Variants in MGST2 observed in about 807,000 individuals in gnomAD.
MGST2 encodes microsomal glutathione S-transferase 2.
Under a neutral mutation model 16.6 loss-of-function variants are expected in MGST2, and 9 were observed. That is an observed-to-expected ratio of 0.54 (90% CI 0.33 to 0.95). MGST2 has a LOEUF of 0.95. Among genes scored for constraint, MGST2 ranks in the 40% least tolerant of loss-of-function variants. The probability of loss-of-function intolerance (pLI) is 0.03; values close to 1 mark genes in which losing one functional copy is unlikely to be tolerated. For missense variants in MGST2, 159 were observed against 175.1 expected, an observed-to-expected ratio of 0.91 and a Z score of 0.52; for synonymous variants, 79 against 68.0, an observed-to-expected ratio of 1.16 and a Z score of -0.79.
At chr4:139,670,207 T>C (rs1340507222) in intron 1 of MGST2, among the ~76,000 whole-genome samples, 1 of 145,220 alleles carries the variant, frequency 6.9e-6, no homozygotes, top group Non-Finnish European at 1.5e-5. Context: ...GCAGCTTCTT[T>C]AGTTCAGTCA....
intron 1 of MGST2, among the ~76,000 whole-genome samples, chr4:139,666,296 T>C (rs1448283271): frequency 6.6e-6 from 1 of 152,066 alleles, no homozygotes; most frequent in Non-Finnish European, 1.5e-5. Context: ...ACTGAGAACA[T>C]TCCAGAGATT....
intron 1 of MGST2, among the ~76,000 whole-genome samples, chr4:139,672,919 A>G (rs1730773432): frequency 1.3e-5 from 2 of 152,162 alleles, no homozygotes; most frequent in South Asian, 4.2e-4. Flanking sequence ...TATTTGTAGC[A>G]GAAGGGGATT....
intron 2 of MGST2, among the ~76,000 whole-genome samples, chr4:139,692,454 G>C (rs1175659179): frequency 1.3e-5 from 2 of 152,236 alleles, no homozygotes; most frequent in Non-Finnish European, 2.9e-5. Context: ...CCAGTCCTCT[G>C]TGAGTACAAT....
At chr4:139,688,503 C>T (rs1400788594) in intron 2 of MGST2, among the ~76,000 whole-genome samples, 2 of 151,542 alleles carry the variant, frequency 1.3e-5, no homozygotes, top group East Asian at 3.9e-4. Context: ...TCTCATTCTA[C>T]TGTGATTCTG....
chr4:139,740,358 C>A (rs1055959809), exon 6 of MGST2: 1 of 152,388 alleles, frequency 6.6e-6, no homozygotes, highest in Middle Eastern at 3.4e-3. Context: ...ACCTGCACCA[C>A]TGAGACGAGC....
At chr4:139,695,581 C>G (rs777905967) in intron 3 of MGST2, among the ~76,000 whole-genome samples, 2 of 152,036 alleles carry the variant, frequency 1.3e-5, no homozygotes, top group Non-Finnish European at 2.9e-5. Flanking sequence ...GAGATCGTGC[C>G]ACTACACTCC....
downstream of MGST2, among the ~76,000 whole-genome samples, chr4:139,742,710 G>T (rs1323816794): frequency 6.6e-6 from 1 of 152,156 alleles, no homozygotes; most frequent in Non-Finnish European, 1.5e-5. Flanking sequence ...AGTTAAGTTG[G>T]TAGCTAAATA....
chr4:139,704,241 GT>G, exon 5 of MGST2: 3 of 1,483,288 alleles, frequency 2.0e-6, 1 homozygote, highest in South Asian at 3.5e-5. Context: ...TCTTTATTCT[GT>G]TTTTCTTGAA....
chr4:139,667,366 G>A (rs572444929), intron 1 of MGST2, among the ~76,000 whole-genome samples: 22 of 152,080 alleles, frequency 1.4e-4, no homozygotes, highest in Admixed American at 1.3e-3. Context: ...ACCTGCATGC[G>A]CCTTTATCCT....
chr4:139,745,300 A>ACAG (rs3051190), downstream of MGST2, among the ~76,000 whole-genome samples: 116,741 of 151,796 alleles, frequency 0.77, 45,805 homozygotes, highest in East Asian at 0.93. Flanking sequence ...ATCAGGAGCC[A>ACAG]CAGCAGGTTC....
intron 5 of MGST2, chr4:139,725,696 C>G: frequency 6.5e-7 from 1 of 1,535,468 alleles, no homozygotes; most frequent in South Asian, 1.1e-5. Context: ...GCTACACATT[C>G]ACTTACGCTT....
downstream of MGST2, among the ~76,000 whole-genome samples, chr4:139,709,072 T>A (rs10857323): frequency 0.41 from 4,519 of 11,008 alleles, 341 homozygotes; most frequent in Middle Eastern, 0.5. Context: ...ATGGAAAAAA[T>A]TTTTTTTTTT....
At chr4:139,741,058 G>A (rs1729149273), downstream of MGST2, among the ~76,000 whole-genome samples, 1 of 152,190 alleles carries the variant, frequency 6.6e-6, no homozygotes, top group South Asian at 2.1e-4. Context: ...TCTGAGAGGA[G>A]GGCTACCCTT....
At chr4:139,695,349 C>T (rs1456088743) in intron 3 of MGST2, 82 bp downstream of exon 3, 34 of 1,164,622 alleles carry the variant, frequency 2.9e-5, no homozygotes, top group Admixed American at 1.2e-4. Context: ...TGGCCAGGCA[C>T]GGTGGCTCAC....
intron 3 of MGST2, among the ~76,000 whole-genome samples, chr4:139,695,857 A>G (rs960888633): frequency 6.6e-6 from 1 of 152,196 alleles, no homozygotes; most frequent in African/African-American, 2.4e-5. Context: ...GACTCGAACA[A>G]TGGAGGGGTT....
intron 2 of MGST2, among the ~76,000 whole-genome samples, chr4:139,692,463 A>G (rs563266865): frequency 6.6e-6 from 1 of 152,312 alleles, no homozygotes; most frequent in East Asian, 1.9e-4. Flanking sequence ...TGTGAGTACA[A>G]TACCCTCCCC....
In MGST2 at chr4:139,725,678, T is replaced by C. The variant is rs972076707; in HGVS notation, c.*49-14534T>C. ...GACACAAATACAGCCAGTAAGGCAA[T>C]GCCTCTGGCTACACATTCACTTACG... is the stretch of plus-strand genomic sequence containing the variant. On this transcript the variant is annotated intron_variant, in intron 5 of 5. Coordinates refer to the MGST2 transcript ENST00000616265. 6 of 1,411,790 alleles carry C rather than the reference T, an allele frequency of 4.2e-6. No individual in the cohort carries two copies. The African/African-American group carries it at 8.5e-5, about 20-fold the overall frequency. The allele number at this position is 1,411,790 out of a possible 1,614,324, so 87.5% of individuals were successfully genotyped here. A position where few individuals can be genotyped will look rare whatever the true frequency, so the allele number is the denominator to read the frequency against.
chr4:139,706,846 T>G (rs1455142468), downstream of MGST2, among the ~76,000 whole-genome samples: 1 of 152,216 alleles, frequency 6.6e-6, no homozygotes, highest in Non-Finnish European at 1.5e-5. Context: ...CTATTAGATT[T>G]GGCTACAGAG....
chr4:139,720,055 G>A (rs1295792240), intron 5 of MGST2: 5 of 1,613,976 alleles, frequency 3.1e-6, no homozygotes, highest in Admixed American at 1.7e-5. Flanking sequence ...CCTGGGCTTG[G>A]TTATGTGTGA....
Sources: gnomAD v4.1 joint callset for allele counts (sites outside exome capture counted in the v4.1 genomes callset) on GRCh38, gnomAD v4.1.1 for gene constraint, MANE v1.5 for transcripts, NCBI Gene and HGNC (gene_info 2026-07-23, HGNC 2026-07-21) for gene names.